SERPINA4: variants seen among roughly 807,000 people sequenced by gnomAD.
SERPINA4 encodes serpin family A member 4.
A neutral mutation model predicts 25.4 loss-of-function variants in SERPINA4; 24 were observed. The ratio of observed to expected loss-of-function variants is 0.95; its 90% CI spans 0.69 to 1.33. SERPINA4 has a LOEUF of 1.33. Ranked by LOEUF, SERPINA4 falls within the 40% of genes most tolerant of loss-of-function variation. SERPINA4 has a pLI of 0.00. For synonymous variants in SERPINA4, 242 were observed against 223.6 expected (o/e 1.08, Z -0.73); for missense variants, 553 against 535.8 (o/e 1.03, Z -0.32).
chr14:94,568,207 C>A lies in SERPINA4; in HGVS notation c.1002C>A (p.Pro334=). Residue 334 remains proline, a synonymous_variant, in exon 4 of 5, where the codon CCC becomes CCA. Coordinates refer to ENST00000557004, the MANE Select transcript of SERPINA4 (RefSeq NM_006215.4). ...CCTATGTATTAGATCAGATTTTGCC[C>A]AGGCTGGGCTTCACGGATCTGTTCT... ...SGSYVLDQIL[P]RLGFTDLFSK... 1 of 1,614,238 alleles carries A rather than the reference C, an allele frequency of 6.2e-7. No homozygotes were observed. Among genetic ancestry groups the A allele is most frequent in the Non-Finnish European group, 8.5e-7 (1 of 1,180,040 alleles).
At position 94,567,301 on chromosome 14, in the gene SERPINA4, T is replaced by C. The variant is rs977299084; in HGVS notation, c.923+58T>C. On this transcript the variant is annotated intron_variant, in intron 3 of 4. Transcript: ENST00000557004. ...GTACTATCCATCAAATGTAACTTTC[T>C]AATGAAAGACAGTGCCCCAAAATAG... 2.0e-6 allele frequency: 3 copies of C among 1,530,640 alleles called. No homozygotes were observed. In the African/African-American group the frequency reaches 4.1e-5, roughly 21 times the overall value. The allele number at this position is 1,530,640 out of a possible 1,614,324, so 94.8% of individuals were successfully genotyped here.
At chr14:94,567,668 T>G (rs1191521092) in intron 3 of SERPINA4, among the ~76,000 whole-genome samples, 1 of 152,232 alleles carries the variant, frequency 6.6e-6, no homozygotes, top group Admixed American at 6.5e-5. Flanking sequence ...ACTCTGGTTA[T>G]GATTGGAAAA....
intron 1 of SERPINA4, chr14:94,561,954 G>A: frequency 8.5e-7 from 1 of 1,179,678 alleles, no homozygotes. Context: ...TCTAGGTCAG[G>A]GGTCAACAAA....
Position 94,563,458 on chromosome 14 carries a change from T to C in SERPINA4, c.-17-8T>C. 4.4e-6 allele frequency: 7 copies of C among 1,588,552 alleles called. No homozygotes were observed. The highest frequency in any genetic ancestry group is 2.3e-5 in the East Asian group (1 of 44,378). On this transcript the variant is annotated splice_region_variant and splice_polypyrimidine_tract_variant and intron_variant, in intron 1 of 4. Coordinates refer to ENST00000557004, the MANE Select transcript of SERPINA4 (RefSeq NM_006215.4). ...GGAATTTCCTGGGCATTCTCTTCCC[T>C]CCCATAGGCCTGAGAGTGCAGAGGA...
At position 94,569,595 on chromosome 14, in the gene SERPINA4, G is replaced by A; in HGVS notation, c.1284G>A (p.Ter428=). The part of the protein sequence containing the change: ...LGKVVDPTKP[*] ...AGGTCGTCGACCCCACGAAACCATA[G>A]CCCTCCCAGGGCTGCTCATCTGTTC... The change falls in exon 5 of 5, where the codon TAG becomes TAA. Residue 428 remains the stop codon, a stop_retained_variant. Transcript: ENST00000557004. 6.2e-7 allele frequency: 1 copy of A among 1,614,104 alleles called. No individual in the cohort carries two copies. Among genetic ancestry groups the A allele is most frequent in the Non-Finnish European group, 8.5e-7 (1 of 1,180,004 alleles).
At chr14:94,569,340 G>T in intron 4 of SERPINA4, 55 bp from the exon 5 acceptor site, 1 of 1,551,688 alleles carries the variant, frequency 6.4e-7, no homozygotes, top group Non-Finnish European at 8.8e-7. Flanking sequence ...TCGCAGTCTT[G>T]TCCAGGCCCC....
intron 2 of SERPINA4, among the ~76,000 whole-genome samples, chr14:94,564,820 C>G (rs761379088): frequency 1.6e-4 from 24 of 152,194 alleles, no homozygotes; most frequent in Non-Finnish European, 2.8e-4. Flanking sequence ...CTAATGATAA[C>G]AATGCTCATT....
At position 94,569,600 on chromosome 14, in the gene SERPINA4, C is replaced by A; in HGVS notation, c.*5C>A. On this transcript the variant is annotated 3_prime_UTR_variant, in exon 5 of 5. Coordinates refer to ENST00000557004, the MANE Select transcript of SERPINA4 (RefSeq NM_006215.4). ...GTCGACCCCACGAAACCATAGCCCT[C>A]CCAGGGCTGCTCATCTGTTCCAAGC... 1 of 1,613,468 alleles carries A rather than the reference C, an allele frequency of 6.2e-7. No individual in the cohort carries two copies. The highest frequency in any genetic ancestry group is 8.5e-7 in the Non-Finnish European group (1 of 1,179,454).
At chr14:94,567,882 C>T (rs1902270308) in intron 3 of SERPINA4, among the ~76,000 whole-genome samples, 1 of 152,204 alleles carries the variant, frequency 6.6e-6, no homozygotes, top group Non-Finnish European at 1.5e-5. Context: ...ACCTGAACAC[C>T]CACAGGAAGC....
At chr14:94,562,632 A>G (rs1207029545) in intron 1 of SERPINA4, among the ~76,000 whole-genome samples, 1 of 152,138 alleles carries the variant, frequency 6.6e-6, no homozygotes, top group Non-Finnish European at 1.5e-5. Context: ...CAAACAAACA[A>G]AAAAAACCCA....
chr14:94,562,093 A>G (rs1200372972), intron 1 of SERPINA4, among the ~76,000 whole-genome samples: 1 of 152,220 alleles, frequency 6.6e-6, no homozygotes, highest in Non-Finnish European at 1.5e-5. Context: ...TCAATAGAAG[A>G]ACAACATTTT....
At chr14:94,561,631 G>A (rs1902027378) in intron 1 of SERPINA4, 137 bp downstream of exon 1, 2 of 1,277,288 alleles carry the variant, frequency 1.6e-6, no homozygotes, top group Middle Eastern at 3.1e-4. Flanking sequence ...GGCAAGCTGG[G>A]ACACTTTGTC....
At chr14:94,561,695 C>A in intron 1 of SERPINA4, 1 of 1,289,494 alleles carries the variant, frequency 7.8e-7, no homozygotes, top group Non-Finnish European at 1.0e-6. Flanking sequence ...ACTTAGGGTC[C>A]ATGGGCACTG....
Position 94,563,579 on chromosome 14 carries a change from A to C in SERPINA4, c.97A>C (p.Asn33His). The change falls in exon 2 of 5, where the codon AAC becomes CAC. Residue 33 changes from asparagine (N) to histidine (H), a missense_variant. By Grantham distance (68) the Asn-to-His change is moderately conservative. Transcript: ENST00000557004. ...HVEHDGESCS[N>H]SSHQQILETG... ...TGAGCATGATGGTGAGAGTTGCAGT[A>C]ACAGCTCCCACCAGCAGATTCTGGA... is the stretch of plus-strand genomic sequence containing the variant. The C allele has an allele frequency of 1.2e-6, 2 of 1,614,008 alleles. No homozygotes were observed. The highest frequency in any genetic ancestry group is 1.7e-6 in the Non-Finnish European group (2 of 1,180,022).
chr14:94,567,263 G>T lies in SERPINA4; in HGVS notation c.923+20G>T, dbSNP rs766757840. On this transcript the variant is annotated intron_variant, in intron 3 of 4. Coordinates refer to ENST00000557004, the MANE Select transcript of SERPINA4 (RefSeq NM_006215.4). ...GAAGAGGTAATCAGTGTGCTATGGG[G>T]GCTGAATCTACAGTACTATCCATCA... 3.1e-6 allele frequency: 5 copies of T among 1,602,998 alleles called. No homozygotes were observed. Among genetic ancestry groups the T allele is most frequent in the Non-Finnish European group, 4.3e-6 (5 of 1,175,752 alleles).
chr14:94,566,849 C>T (rs1041730982), intron 2 of SERPINA4, 121 bp from the exon 3 acceptor site: 1 of 1,176,598 alleles, frequency 8.5e-7, no homozygotes, highest in Admixed American at 2.4e-5. Flanking sequence ...TTGATGGGCT[C>T]ATAGGGCAGG....
rs760440214 is a variant in SERPINA4 at position 94,563,818 on chromosome 14, G to A, written c.336G>A (p.Leu112=). Residue 112 remains leucine (L), a synonymous_variant, in exon 2 of 5, where the codon CTG becomes CTA. Transcript: ENST00000557004. ...GCCTGGGCTTCAACCTCACCGAGCT[G>A]TCTGAGTCCGATGTCCATAGGGGCT... ...LEGLGFNLTE[L]SESDVHRGFQ... 4 of 1,614,210 alleles carry A rather than the reference G, an allele frequency of 2.5e-6. No homozygotes were observed. In the Admixed American group the frequency reaches 5.0e-5, roughly 20 times the overall value.
chr14:94,563,244 C>T (rs902176525), intron 1 of SERPINA4, among the ~76,000 whole-genome samples: 11 of 152,174 alleles, frequency 7.2e-5, no homozygotes, highest in Admixed American at 3.9e-4. Flanking sequence ...ACATGATGGA[C>T]ACAAGGAGTG....
rs867135735 is a variant in SERPINA4 at position 94,569,611 on chromosome 14, T to C, written c.*16T>C. 1.9e-6 allele frequency: 3 copies of C among 1,612,026 alleles called. No homozygotes were observed. In the South Asian group the frequency reaches 3.3e-5, roughly 18 times the overall value. On this transcript the variant is annotated 3_prime_UTR_variant, in exon 5 of 5. Transcript: ENST00000557004. The stretch of plus-strand genomic sequence containing the variant: ...GAAACCATAGCCCTCCCAGGGCTGC[T>C]CATCTGTTCCAAGCAGGAGGATGTG...
Sources: allele counts gnomAD v4.1 joint callset (sites outside exome capture counted in the v4.1 genomes callset), GRCh38; gene constraint gnomAD v4.1.1; transcripts MANE v1.5; gene names NCBI Gene and HGNC (gene_info 2026-07-23, HGNC 2026-07-21).